MELK: variants seen among roughly 807,000 people sequenced by gnomAD.
The protein encoded by MELK is maternal embryonic leucine zipper kinase.
Under a neutral mutation model 85.0 loss-of-function variants are expected in MELK, and 81 were observed. The ratio of observed to expected loss-of-function variants is 0.95; its 90% CI spans 0.80 to 1.15. The LOEUF (loss-of-function observed/expected upper bound fraction) is 1.15, where lower values mean the gene tolerates loss of function less well. MELK is among the 50% of genes most tolerant of loss of function. MELK has a pLI of 0.00. For missense variants in MELK, 754 were observed against 777.5 expected (o/e 0.97, Z 0.36); for synonymous variants, 252 against 265.0 (o/e 0.95, Z 0.48).
At chr9:36,615,448 C>A (rs1407130091) in intron 8 of MELK, among the ~76,000 whole-genome samples, 6 of 142,966 alleles carry the variant, frequency 4.2e-5, no homozygotes, top group Admixed American at 2.7e-4. Context: ...GGGGGCTGAC[C>A]CCCCCACCTC....
At chr9:36,614,381 C>T (rs1394392285) in intron 8 of MELK, among the ~76,000 whole-genome samples, 1 of 150,928 alleles carries the variant, frequency 6.6e-6, no homozygotes, top group African/African-American at 2.4e-5. Flanking sequence ...AGGTGTGAGC[C>T]ACTGCTTCTG....
At chr9:36,675,949 T>A (rs534778622) in intron 17 of MELK, among the ~76,000 whole-genome samples, 4 of 152,326 alleles carry the variant, frequency 2.6e-5, no homozygotes, top group African/African-American at 9.6e-5. Flanking sequence ...CAAGCATTCC[T>A]TCTGTGAACC....
At chr9:36,615,506 C>T (rs911518757) in intron 8 of MELK, among the ~76,000 whole-genome samples, 2 of 139,498 alleles carry the variant, frequency 1.4e-5, no homozygotes, top group Non-Finnish European at 3.2e-5. Context: ...CCCCCCCCAC[C>T]TCCCTCCCGG....
intron 8 of MELK, among the ~76,000 whole-genome samples, chr9:36,620,260 G>A (rs1362979193): frequency 1.3e-5 from 2 of 152,106 alleles, no homozygotes; most frequent in African/African-American, 4.8e-5. Flanking sequence ...ATCTTTTTAT[G>A]CTTATTAATT....
chr9:36,676,071 C>G (rs925567891), intron 17 of MELK, among the ~76,000 whole-genome samples: 5 of 152,152 alleles, frequency 3.3e-5, no homozygotes, highest in African/African-American at 1.2e-4. Flanking sequence ...TCTCAATGAT[C>G]TATTATCTAA....
intron 11 of MELK, among the ~76,000 whole-genome samples, chr9:36,644,997 G>A (rs757152981): frequency 5.9e-4 from 89 of 152,046 alleles, no homozygotes; most frequent in Non-Finnish European, 7.4e-5. Context: ...AGCCGGGCGC[G>A]GTGGCTCATG....
At position 36,669,019 on chromosome 9, in the gene MELK, A is replaced by G. The variant is rs1564231468; in HGVS notation, c.1409-291A>G. Among the ~76,000 whole-genome samples, 2 of 152,178 alleles carry G rather than the reference A, an allele frequency of 1.3e-5. 1 individual carries two copies. Among genetic ancestry groups the G allele is most frequent in the South Asian group, 4.1e-4 (2 of 4,836 alleles). On this transcript the variant is annotated intron_variant, in intron 14 of 17. Transcript: ENST00000298048. ...TAATTATGAGATTTGTATTTATATGATCTGTTTAGATTTATCATATGATGT... is the reference window on the plus strand; with the variant it reads ...TAATTATGAGATTTGTATTTATATGGTCTGTTTAGATTTATCATATGATGT...
At chr9:36,660,727 C>T (rs1831722383) in intron 13 of MELK, among the ~76,000 whole-genome samples, 1 of 151,886 alleles carries the variant, frequency 6.6e-6, no homozygotes, top group African/African-American at 2.4e-5. Context: ...TGCAGTGGCT[C>T]ACGCCTGTAA....
At chr9:36,608,277 CAAAAAAAAAAA>C (rs1161984583) in intron 8 of MELK, among the ~76,000 whole-genome samples, 7 of 38,926 alleles carry the variant, frequency 1.8e-4, no homozygotes, top group Admixed American at 3.8e-4. Flanking sequence ...GACTCTGTCT[CAAAAAAAAAAA>C]AAAAAAAAAA....
At chr9:36,659,147 C>A (rs1758362033) in intron 13 of MELK, among the ~76,000 whole-genome samples, 1 of 152,114 alleles carries the variant, frequency 6.6e-6, no homozygotes, top group Admixed American at 6.5e-5. Context: ...TCCCAAAGTG[C>A]TGGGATTACA....
chr9:36,594,051 G>A (rs1823926836), intron 4 of MELK, among the ~76,000 whole-genome samples: 1 of 152,154 alleles, frequency 6.6e-6, no homozygotes, highest in Non-Finnish European at 1.5e-5. Context: ...AAGTCTATAT[G>A]CATTTGTAAT....
At chr9:36,647,601 G>A (rs987075460) in intron 11 of MELK, among the ~76,000 whole-genome samples, 1 of 151,442 alleles carries the variant, frequency 6.6e-6, no homozygotes, top group Non-Finnish European at 1.5e-5. Flanking sequence ...CAATTCTCCT[G>A]CCTCAGCCTC....
intron 1 of MELK, among the ~76,000 whole-genome samples, chr9:36,574,000 G>A (rs1203579180): frequency 1.3e-5 from 2 of 152,170 alleles, no homozygotes; most frequent in Non-Finnish European, 2.9e-5. Flanking sequence ...GTGGAATGAG[G>A]TGAGTATCAG....
intron 3 of MELK, 140 bp downstream of exon 3, chr9:36,583,852 TA>T (rs1822528848): frequency 3.3e-6 from 2 of 599,906 alleles, no homozygotes; most frequent in Non-Finnish European, 5.5e-6. Context: ...TCTGTGGTTT[TA>T]AAAAGTAATC....
chr9:36,609,610 G>A (rs776882711), intron 8 of MELK, among the ~76,000 whole-genome samples: 4 of 151,688 alleles, frequency 2.6e-5, no homozygotes, highest in Non-Finnish European at 5.9e-5. Context: ...CACTACATCC[G>A]GCTAATTAAA....
chr9:36,592,729 A>G (rs1231079430), intron 4 of MELK, among the ~76,000 whole-genome samples: 1 of 152,058 alleles, frequency 6.6e-6, no homozygotes, highest in African/African-American at 2.4e-5. Flanking sequence ...GTATTTCTTT[A>G]TTTGAAAATA....
At chr9:36,671,712 A>G (rs958042405) in intron 16 of MELK, among the ~76,000 whole-genome samples, 1 of 152,224 alleles carries the variant, frequency 6.6e-6, no homozygotes, top group African/African-American at 2.4e-5. Flanking sequence ...ACTGGTGTGG[A>G]CAATATATTT....
At chr9:36,627,157 A>G (rs1828022439) in intron 8 of MELK, among the ~76,000 whole-genome samples, 1 of 151,890 alleles carries the variant, frequency 6.6e-6, no homozygotes. Flanking sequence ...GACTTGTACC[A>G]GCATTGGGGT....
chr9:36,670,851 G>C, intron 15 of MELK, 147 bp from the exon 16 acceptor site: 1 of 788,330 alleles, frequency 1.3e-6, no homozygotes, highest in Non-Finnish European at 1.8e-6. Flanking sequence ...TGGCTTTGGT[G>C]CTTCCTGAGG....
Sources: allele counts gnomAD v4.1 joint callset (sites outside exome capture counted in the v4.1 genomes callset), GRCh38; gene constraint gnomAD v4.1.1; transcripts MANE v1.5; gene names NCBI Gene and HGNC (gene_info 2026-07-23, HGNC 2026-07-21).